The following RAPGEF2 variants were observed in gnomAD, a reference collection of about 807,000 sequenced individuals.
The protein encoded by RAPGEF2 is PDZ domain containing guanine nucleotide exchange factor (GEF) 1.
Under a neutral mutation model 186.7 loss-of-function variants are expected in RAPGEF2, and 54 were observed. That is an observed-to-expected ratio of 0.29 (90% CI 0.23 to 0.36). The LOEUF (loss-of-function observed/expected upper bound fraction) is 0.36. Ranked by LOEUF, RAPGEF2 falls within the 10% of genes least tolerant of loss-of-function variation. The pLI is 1.00. For synonymous variants in RAPGEF2, 712 were observed against 705.9 expected, an observed-to-expected ratio of 1.01 and a Z score of -0.14; for missense variants, 1,532 against 2,045.0, an observed-to-expected ratio of 0.75 and a Z score of 4.84.
chr4:159,124,806 G>A (rs913413399), intron 1 of RAPGEF2, among the ~76,000 whole-genome samples: 3 of 152,056 alleles, frequency 2.0e-5, no homozygotes. Flanking sequence ...GGGGAAAAAA[G>A]AAATTTTATT....
chr4:159,196,286 A>G (rs961704873), intron 3 of RAPGEF2, among the ~76,000 whole-genome samples: 2 of 152,122 alleles, frequency 1.3e-5, no homozygotes, highest in African/African-American at 4.8e-5. Context: ...TTTGTGTTAT[A>G]TATATAAATT....
intron 4 of RAPGEF2, among the ~76,000 whole-genome samples, 167 bp from the exon 5 acceptor site, chr4:159,238,642 T>C (rs1444456936): frequency 6.6e-6 from 1 of 152,258 alleles, no homozygotes; most frequent in Non-Finnish European, 1.5e-5. Flanking sequence ...TTGAATGCTT[T>C]CTTGTCATTC....
chr4:159,252,811 TA>T (rs907339385), intron 7 of RAPGEF2, among the ~76,000 whole-genome samples: 5 of 152,152 alleles, frequency 3.3e-5, no homozygotes, highest in African/African-American at 9.7e-5. Flanking sequence ...TTTAAACTTC[TA>T]AAAAAAATTT....
chr4:159,323,963 C>T (rs1561281353), intron 11 of RAPGEF2, among the ~76,000 whole-genome samples: 1 of 151,622 alleles, frequency 6.6e-6, no homozygotes, highest in African/African-American at 2.4e-5. Context: ...GTGGCGCGAT[C>T]TCAGCTAACT....
chr4:159,268,048 C>CT (rs111542449), intron 7 of RAPGEF2: 270,359 of 1,188,936 alleles, frequency 0.23, 9,136 homozygotes, highest in African/African-American at 0.43. Context: ...TCCCTCCTCC[C>CT]TTTTTTTTTT....
chr4:159,294,595 G>C (rs997063975), intron 7 of RAPGEF2, among the ~76,000 whole-genome samples: 3 of 151,504 alleles, frequency 2.0e-5, no homozygotes, highest in Admixed American at 6.6e-5. Flanking sequence ...TGTTACTGAG[G>C]GTTTTGGACA....
At chr4:159,243,705 A>G (rs1754278894) in intron 6 of RAPGEF2, 69 bp from the exon 7 acceptor site, 3 of 1,035,096 alleles carry the variant, frequency 2.9e-6, no homozygotes, top group African/African-American at 3.3e-5. Context: ...CAGATGTAAT[A>G]TAGCATGTCT....
intron 11 of RAPGEF2, among the ~76,000 whole-genome samples, chr4:159,326,423 T>C (rs980362571): frequency 2.0e-5 from 3 of 152,224 alleles, no homozygotes; most frequent in Non-Finnish European, 4.4e-5. Context: ...AAAACAACTT[T>C]GCATAGGCTT....
At chr4:159,268,571 A>G (rs1757717348) in intron 7 of RAPGEF2, among the ~76,000 whole-genome samples, 1 of 152,172 alleles carries the variant, frequency 6.6e-6, no homozygotes, top group Non-Finnish European at 1.5e-5. Flanking sequence ...ATCATCAGAA[A>G]GGTTATTGAG....
At chr4:159,309,398 T>C (rs1167112254) in intron 8 of RAPGEF2, among the ~76,000 whole-genome samples, 2 of 152,180 alleles carry the variant, frequency 1.3e-5, no homozygotes, top group East Asian at 1.9e-4. Context: ...CTTGTCTCTC[T>C]TGTCTCTATT....
intron 16 of RAPGEF2, 68 bp downstream of exon 16, chr4:159,332,102 A>AGAAAGCATATATGGT: frequency 9.8e-7 from 1 of 1,022,286 alleles, no homozygotes; most frequent in Non-Finnish European, 1.5e-6. Flanking sequence ...AAACATCATA[A>AGAAAGCATATATGGT]GAAAGCATAT....
intron 1 of RAPGEF2, among the ~76,000 whole-genome samples, chr4:159,123,497 G>A (rs1739937949): frequency 6.6e-6 from 1 of 150,410 alleles, no homozygotes. Flanking sequence ...TTTTCTTTGA[G>A]TTTAAACTGT....
At position 159,330,318 on chromosome 4, in the gene RAPGEF2, C is replaced by G. The variant is rs1347301969; in HGVS notation, c.1303-16C>G. On this transcript the variant is annotated splice_polypyrimidine_tract_variant and intron_variant, in intron 12 of 29. Coordinates refer to ENST00000691494, the MANE Select transcript of RAPGEF2 (RefSeq NM_001394067.2). The stretch of plus-strand genomic sequence containing the variant: ...GTGTATATATATGTAGTAATTAAAC[C>G]TTTTCTTTGTTACAGGGTACCTCAG... 4 of 1,156,486 alleles carry G rather than the reference C, an allele frequency of 3.5e-6. No homozygotes were observed. The African/African-American group carries it at 8.1e-5, about 23-fold the overall frequency. The allele number at this position is 1,156,486 out of a possible 1,614,324, so 71.6% of individuals were successfully genotyped here.
At chr4:159,115,447 T>C (rs1287793881) in intron 1 of RAPGEF2, among the ~76,000 whole-genome samples, 1 of 152,104 alleles carries the variant, frequency 6.6e-6, no homozygotes, top group African/African-American at 2.4e-5. Context: ...TTGTATAAAA[T>C]AAAATGAAAA....
intron 7 of RAPGEF2, among the ~76,000 whole-genome samples, chr4:159,280,133 C>T (rs1229999149): frequency 6.6e-6 from 1 of 152,070 alleles, no homozygotes; most frequent in Non-Finnish European, 1.5e-5. Context: ...CTTTGACTTA[C>T]TATTTGGGTG....
intron 1 of RAPGEF2, among the ~76,000 whole-genome samples, chr4:159,133,518 T>A (rs1019748528): frequency 6.6e-6 from 1 of 151,976 alleles, no homozygotes; most frequent in African/African-American, 2.4e-5. Flanking sequence ...TTCAAGCAGT[T>A]CTCCTGCCTC....
chr4:159,172,563 G>A (rs1217967520), intron 1 of RAPGEF2, among the ~76,000 whole-genome samples: 1 of 152,060 alleles, frequency 6.6e-6, no homozygotes, highest in Admixed American at 6.6e-5. Context: ...ATGTTGTGAA[G>A]GTAAAGGTCT....
chr4:159,180,607 G>T (rs1244495912), intron 1 of RAPGEF2, among the ~76,000 whole-genome samples: 1 of 152,158 alleles, frequency 6.6e-6, no homozygotes, highest in African/African-American at 2.4e-5. Context: ...AACCCTGAAT[G>T]TAATTGAATT....
intron 7 of RAPGEF2, among the ~76,000 whole-genome samples, chr4:159,247,617 G>A (rs1421962427): frequency 6.6e-6 from 1 of 152,080 alleles, no homozygotes; most frequent in Non-Finnish European, 1.5e-5. Context: ...TTGGGGATAG[G>A]GATGGTAAAG....
Sources: allele counts gnomAD v4.1 joint callset (sites outside exome capture counted in the v4.1 genomes callset), GRCh38; gene constraint gnomAD v4.1.1; transcripts MANE v1.5; gene names NCBI Gene and HGNC (gene_info 2026-07-23, HGNC 2026-07-21).